Variants in LRBA observed in about 807,000 individuals in gnomAD.
LRBA encodes the protein lipopolysaccharide-responsive and beige-like anchor protein.
In LRBA, 176 loss-of-function variants were observed where a neutral mutation model predicts 330.0. That is an observed-to-expected ratio of 0.53 (90% confidence interval 0.47 to 0.60). The LOEUF (loss-of-function observed/expected upper bound fraction) is 0.60. Ranked by LOEUF, LRBA falls within the 20% of genes least tolerant of loss-of-function variation. The probability of loss-of-function intolerance (pLI) is 0.00; values close to 1 mark genes in which losing one functional copy is unlikely to be tolerated. For missense variants in LRBA, 3,259 were observed against 3,444.8 expected, an observed-to-expected ratio of 0.95 and a Z score of 1.35; for synonymous variants, 1,230 against 1,193.0, an observed-to-expected ratio of 1.03 and a Z score of -0.64.
At chr4:150,974,207 T>C (rs1457358500) in intron 2 of LRBA, among the ~76,000 whole-genome samples, 1 of 151,860 alleles carries the variant, frequency 6.6e-6, no homozygotes, top group Non-Finnish European at 1.5e-5. Flanking sequence ...AACCATTGAG[T>C]TGAGACAACC....
At chr4:150,777,081 G>GTTGTTGT (rs1553959763) in intron 34 of LRBA, among the ~76,000 whole-genome samples, 9 of 151,200 alleles carry the variant, frequency 6.0e-5, no homozygotes, top group African/African-American at 1.9e-4. Context: ...TGTTGTTGTT[G>GTTGTTGT]TTGTTGTTGT....
chr4:150,830,092 T>C (rs1308649116), intron 29 of LRBA, among the ~76,000 whole-genome samples: 1 of 152,190 alleles, frequency 6.6e-6, no homozygotes, highest in East Asian at 1.9e-4. Flanking sequence ...TACTGATTAC[T>C]GCAATATCCT....
Position 150,831,958 on chromosome 4 carries a change from G to A in LRBA, c.4588C>T (p.Gln1530Ter). ...FRDIEDSKQAQFLALAVVYFI... is the reference protein window; with the variant it reads ...FRDIEDSKQA Reference sequence around the variant, plus strand: ...TATACTACTGCCAAGGCTAAAAATTGAGCTTGTTTGCTATCCTCCTGGGAA... The same window carrying A: ...TATACTACTGCCAAGGCTAAAAATTAAGCTTGTTTGCTATCCTCCTGGGAA... The change falls in exon 29 of 57, where the codon CAA (glutamine) becomes TAA (stop). Residue 1530 changes from glutamine to a stop codon, truncating the protein, a stop_gained. Coordinates refer to ENST00000651943, the MANE Select transcript of LRBA (RefSeq NM_001364905.1). LOFTEE classifies it high-confidence loss of function. The A allele has an allele frequency of 6.6e-7, 1 of 1,521,898 alleles. No individual in the cohort carries two copies. The highest frequency in any genetic ancestry group is 8.9e-7 in the Non-Finnish European group (1 of 1,127,978). 94.3% of individuals were successfully genotyped at this position (1,521,898 alleles called of 1,614,324 possible).
chr4:150,779,069 C>T (rs1157548345), intron 34 of LRBA, among the ~76,000 whole-genome samples: 1 of 152,032 alleles, frequency 6.6e-6, no homozygotes, highest in East Asian at 1.9e-4. Flanking sequence ...TTCTTCCTAC[C>T]TCCTATCTCC....
chr4:150,339,982 C>T (rs995221514), intron 48 of LRBA, among the ~76,000 whole-genome samples: 1 of 151,874 alleles, frequency 6.6e-6, no homozygotes, highest in South Asian at 2.1e-4. Context: ...GTGGTGGTTT[C>T]CCCCATACTA....
intron 44 of LRBA, among the ~76,000 whole-genome samples, chr4:150,445,999 G>T (rs528149580): frequency 6.6e-6 from 1 of 152,154 alleles, no homozygotes; most frequent in South Asian, 2.1e-4. Flanking sequence ...ATAAGTTAAA[G>T]ATATCAATAT....
At chr4:150,302,825 T>A (rs1043102072) in intron 52 of LRBA, 33 bp from the exon 53 acceptor site, 1 of 1,511,062 alleles carries the variant, frequency 6.6e-7, no homozygotes, top group Non-Finnish European at 8.9e-7. Flanking sequence ...TTAAAAATGC[T>A]ATTAAAAAAA....
chr4:150,981,960 C>T (rs1172742076), intron 2 of LRBA, among the ~76,000 whole-genome samples: 3 of 130,114 alleles, frequency 2.3e-5, no homozygotes, highest in African/African-American at 9.5e-5. Flanking sequence ...AAGACTCCAT[C>T]TCAAAAAAAA....
intron 37 of LRBA, among the ~76,000 whole-genome samples, chr4:150,609,730 C>T (rs1396635118): frequency 4.0e-5 from 6 of 151,810 alleles, no homozygotes; most frequent in South Asian, 4.2e-4. Context: ...AAAATTTTGA[C>T]GATGAAAGGA....
chr4:150,901,458 A>G (rs1056329674), intron 13 of LRBA, among the ~76,000 whole-genome samples: 1 of 152,222 alleles, frequency 6.6e-6, no homozygotes, highest in African/African-American at 2.4e-5. Context: ...AACAACTGTA[A>G]GTATAGGATA....
chr4:150,604,093 A>G (rs1774383756), intron 37 of LRBA, among the ~76,000 whole-genome samples: 1 of 152,134 alleles, frequency 6.6e-6, no homozygotes, highest in South Asian at 2.1e-4. Context: ...AAATTTGACT[A>G]TTATTTTTCT....
At chr4:150,768,135 T>A (rs184217323) in intron 34 of LRBA, among the ~76,000 whole-genome samples, 13 of 148,844 alleles carry the variant, frequency 8.7e-5, no homozygotes, top group South Asian at 2.1e-4. Flanking sequence ...TTAAACATAG[T>A]AAATCTGAGA....
chr4:150,409,378 A>G (rs941224580), intron 47 of LRBA, among the ~76,000 whole-genome samples: 1 of 152,112 alleles, frequency 6.6e-6, no homozygotes, highest in African/African-American at 2.4e-5. Context: ...GAAACTAATA[A>G]AATAACTATT....
intron 26 of LRBA, among the ~76,000 whole-genome samples, chr4:150,848,444 T>C (rs930838167): frequency 2.0e-5 from 3 of 151,178 alleles, no homozygotes; most frequent in Non-Finnish European, 4.4e-5. Flanking sequence ...CAAAAAGAGA[T>C]AGGGGAGCAC....
chr4:150,850,501 T>C (rs1236432704), intron 24 of LRBA, among the ~76,000 whole-genome samples: 1 of 152,184 alleles, frequency 6.6e-6, no homozygotes, highest in Non-Finnish European at 1.5e-5. Flanking sequence ...TACAAATTTT[T>C]TTAAAAGAGA....
chr4:150,732,965 C>T (rs569839282), intron 36 of LRBA, among the ~76,000 whole-genome samples: 21 of 152,116 alleles, frequency 1.4e-4, no homozygotes, highest in Non-Finnish European at 2.5e-4. Flanking sequence ...TATCCCATTA[C>T]TTTTTCACAA....
intron 40 of LRBA, among the ~76,000 whole-genome samples, chr4:150,538,200 C>T (rs992493943): frequency 3.3e-5 from 5 of 152,088 alleles, no homozygotes; most frequent in African/African-American, 7.2e-5. Flanking sequence ...AATGTAAATT[C>T]GTTCAGCCAC....
chr4:150,981,447 G>A (rs1321297036), intron 2 of LRBA, among the ~76,000 whole-genome samples: 1 of 149,826 alleles, frequency 6.7e-6, no homozygotes, highest in East Asian at 2.0e-4. Context: ...AATTTATATG[G>A]AACCACAAAA....
intron 56 of LRBA, among the ~76,000 whole-genome samples, chr4:150,270,144 G>C (rs1745874556): frequency 2.0e-5 from 3 of 152,262 alleles, no homozygotes; most frequent in African/African-American, 7.2e-5. Flanking sequence ...AGCCACTGTG[G>C]AAAACACTTT....
Sources: allele counts gnomAD v4.1 joint callset (sites outside exome capture counted in the v4.1 genomes callset), GRCh38; gene constraint gnomAD v4.1.1; transcripts MANE v1.5; gene names NCBI Gene and HGNC (gene_info 2026-07-23, HGNC 2026-07-21).